GSDMB: variants seen among roughly 807,000 people sequenced by gnomAD.
GSDMB encodes gasdermin B.
A neutral mutation model predicts 42.9 loss-of-function variants in GSDMB; 32 were observed. The ratio of observed to expected loss-of-function variants is 0.75; its 90% confidence interval spans 0.56 to 1.00. The LOEUF is 1.00. Ranked by LOEUF, GSDMB falls within the 50% of genes least tolerant of loss-of-function variation. The probability of loss-of-function intolerance (pLI) is 0.00; values close to 1 mark genes in which losing one functional copy is unlikely to be tolerated. For missense variants in GSDMB, 468 were observed against 498.5 expected (o/e 0.94, Z 0.58); for synonymous variants, 175 against 193.7 (o/e 0.90, Z 0.80).
Position 39,905,905 on chromosome 17 carries a change from A to G in GSDMB, c.969T>C (p.Ala323=), listed in dbSNP as rs1185899173. Residue 323 remains alanine, a synonymous_variant, in exon 9 of 11, where the codon GCT becomes GCC. Transcript: ENST00000418519. The part of the protein sequence containing the change: ...KPLLSSLFNA[A]GVLVEARAKA... Reference sequence around the variant, plus strand: ...TTGCACGCGCTTCTACCAAGACCCCAGCAGCATTAAAAAGGCTGCTTAGGA... The same window carrying G: ...TTGCACGCGCTTCTACCAAGACCCCGGCAGCATTAAAAAGGCTGCTTAGGA... The G allele has an allele frequency of 2.5e-6, 4 of 1,614,066 alleles. No individual in the cohort carries two copies. In the East Asian group the frequency reaches 6.7e-5, roughly 27 times the overall value.
chr17:39,906,425 A>C, intron 7 of GSDMB, 154 bp from the exon 8 acceptor site: 1 of 923,728 alleles, frequency 1.1e-6, no homozygotes, highest in South Asian at 1.8e-5. Context: ...CCTTCTTCCA[A>C]GATACCTACC....
At chr17:39,905,128 G>C in intron 10 of GSDMB, 164 bp from the exon 11 acceptor site, 1 of 648,424 alleles carries the variant, frequency 1.5e-6, no homozygotes, top group Non-Finnish European at 2.7e-6. Flanking sequence ...TCTCAACATA[G>C]TGGCAGGCTC....
intron 7 of GSDMB, chr17:39,906,705 G>T: frequency 8.2e-7 from 1 of 1,225,128 alleles, no homozygotes; most frequent in Non-Finnish European, 1.1e-6. Context: ...CCACAATTAA[G>T]TCAGAGTTTC....
In GSDMB at chr17:39,905,913, T is replaced by TA; in HGVS notation, c.960dup (p.Asn321Ter). ...GCTTCTACCAAGACCCCAGCAGCAT[T>TA]AAAAAGGCTGCTTAGGAGAGGCTTG... is the stretch of plus-strand genomic sequence containing the variant. On this transcript the variant is annotated frameshift_variant, in exon 9 of 11. Transcript: ENST00000418519. LOFTEE classifies it high-confidence loss of function. 5.6e-6 allele frequency: 9 copies of TA among 1,613,984 alleles called. No individual in the cohort carries two copies. The highest frequency in any genetic ancestry group is 7.6e-6 in the Non-Finnish European group (9 of 1,179,956).
At chr17:39,916,841 G>GA (rs1201212292) in intron 2 of GSDMB, among the ~76,000 whole-genome samples, 2 of 152,068 alleles carry the variant, frequency 1.3e-5, no homozygotes, top group East Asian at 1.9e-4. Flanking sequence ...TTTTACAAGG[G>GA]AAAAAATGGA....
intron 9 of GSDMB, 60 bp from the exon 10 acceptor site, chr17:39,905,556 G>T: frequency 7.6e-7 from 1 of 1,312,340 alleles, no homozygotes; most frequent in Non-Finnish European, 1.1e-6. Flanking sequence ...GGCCTCAGTG[G>T]CTGATCACAC....
rs7210924 is a variant in GSDMB, at chr17:39,913,391, G to C, written c.236-894C>G. ...TAATCCCAGCACTTTGGGAGGCTGA[G>C]GTGGGTAGATCACTTGAGGTCAGGA... is the stretch of plus-strand genomic sequence containing the variant. On this transcript the variant is annotated intron_variant, in intron 2 of 10. Transcript: ENST00000418519. 9.0e-3 allele frequency among the ~76,000 whole-genome samples: 1,377 copies of C among 152,232 alleles called. 10 individuals carry two copies. Among genetic ancestry groups the C allele is most frequent in the African/African-American group, 0.031 (1,292 of 41,538 alleles).
At chr17:39,915,670 T>C (rs1013486149) in intron 2 of GSDMB, among the ~76,000 whole-genome samples, 2 of 151,874 alleles carry the variant, frequency 1.3e-5, no homozygotes, top group Non-Finnish European at 2.9e-5. Context: ...TTTCAGAGAA[T>C]TGACTCAGTC....
intron 3 of GSDMB, among the ~76,000 whole-genome samples, chr17:39,911,890 C>T (rs566847219): frequency 6.6e-5 from 10 of 151,752 alleles, no homozygotes; most frequent in African/African-American, 2.4e-4. Flanking sequence ...GAGCCGAGAT[C>T]ATGCCATTGC....
rs2063477383 is a variant in GSDMB, at chr17:39,904,942, T to C, written c.1121A>G (p.Asn374Ser). The C allele has an allele frequency of 6.2e-7, 1 of 1,613,822 alleles. No individual in the cohort carries two copies. The highest frequency in any genetic ancestry group is 1.7e-5 in the Admixed American group (1 of 59,966). Residue 374 changes from asparagine (N) to serine (S), a missense_variant, in exon 11 of 11, where the codon AAC becomes AGC. Transcript: ENST00000418519. Reference sequence around the variant, plus strand: ...AGGACTGCTGGCCAGCTCATCCCAGTTCTGCTCCATGACAGATTTCACCTG... The same window carrying C: ...AGGACTGCTGGCCAGCTCATCCCAGCTCTGCTCCATGACAGATTTCACCTG... ...KDQVKSVMEQNWDELASSPPD... is the reference protein window; with the variant it reads ...KDQVKSVMEQSWDELASSPPD...
intron 4 of GSDMB, 44 bp from the exon 5 acceptor site, chr17:39,909,086 C>T (rs756630721): frequency 6.2e-6 from 7 of 1,136,322 alleles, no homozygotes; most frequent in African/African-American, 4.8e-5. Flanking sequence ...GGTGTTTCTA[C>T]ATCATTATCT....
chr17:39,908,467 C>T lies in GSDMB; in HGVS notation c.662-253G>A, dbSNP rs549885913. Among the ~76,000 whole-genome samples, 8 of 151,090 alleles carry T rather than the reference C, an allele frequency of 5.3e-5. No homozygotes were observed. In the East Asian group the frequency reaches 1.6e-3, roughly 30 times the overall value. On this transcript the variant is annotated intron_variant, in intron 5 of 10. Transcript: ENST00000418519. ...AGATCTCGGCTCACTGCAACCTCCACTTCCCAGGTTCAAGCAATTCTCCTG... is the reference window on the plus strand; with the variant it reads ...AGATCTCGGCTCACTGCAACCTCCATTTCCCAGGTTCAAGCAATTCTCCTG...
chr17:39,913,049 G>A (rs772907800), intron 2 of GSDMB, among the ~76,000 whole-genome samples: 1 of 152,116 alleles, frequency 6.6e-6, no homozygotes, highest in Non-Finnish European at 1.5e-5. Context: ...GGAGGTTGCA[G>A]TGAGCTGAGA....
Position 39,917,107 on chromosome 17 carries a change from T to C in GSDMB, c.210A>G (p.Leu70=). The C allele has an allele frequency of 6.2e-7, 1 of 1,613,886 alleles. No individual in the cohort carries two copies. Among genetic ancestry groups the C allele is most frequent in the Admixed American group, 1.7e-5 (1 of 60,024 alleles). ...CTTGGAGCCCAGAATCCAGTTCATCTAACCACTTGTCCCCATCTGTGTCCA... is the reference window on the plus strand; with the variant it reads ...CTTGGAGCCCAGAATCCAGTTCATCCAACCACTTGTCCCCATCTGTGTCCA... ...DILDTDGDKW[L]DELDSGLQGQ... The change falls in exon 2 of 11, where the codon TTA becomes TTG. Residue 70 remains leucine, a synonymous_variant. Coordinates refer to ENST00000418519, the MANE Select transcript of GSDMB (RefSeq NM_001165958.2).
chr17:39,910,149 T>C (rs540796215), intron 3 of GSDMB, among the ~76,000 whole-genome samples: 1 of 152,246 alleles, frequency 6.6e-6, no homozygotes, highest in Non-Finnish European at 1.5e-5. Context: ...CTATCGCCTG[T>C]AATCCCAGCA....
At chr17:39,909,706 G>A (rs749630845) in intron 4 of GSDMB, 50 bp downstream of exon 4, 23 of 1,507,860 alleles carry the variant, frequency 1.5e-5, no homozygotes, top group Non-Finnish European at 2.0e-5. Flanking sequence ...TGACCTGCGG[G>A]GTGTGGGCCA....
chr17:39,908,879 G>A, intron 5 of GSDMB, 79 bp downstream of exon 5: 1 of 898,670 alleles, frequency 1.1e-6, no homozygotes, highest in Non-Finnish European at 1.8e-6. Flanking sequence ...TAGGCTGACA[G>A]AGCCTGGTTG....
intron 6 of GSDMB, chr17:39,907,320 T>A: frequency 2.2e-6 from 1 of 448,762 alleles, no homozygotes; most frequent in Non-Finnish European, 3.1e-6. Flanking sequence ...AGTACAACCC[T>A]GCTGGGATCA....
At chr17:39,916,511 C>T (rs1168948517) in intron 2 of GSDMB, among the ~76,000 whole-genome samples, 3 of 151,388 alleles carry the variant, frequency 2.0e-5, no homozygotes, top group South Asian at 2.1e-4. Flanking sequence ...AGGATGGTCT[C>T]GATCTCCTGA....
Sources: allele counts gnomAD v4.1 joint callset (sites outside exome capture counted in the v4.1 genomes callset), GRCh38; gene constraint gnomAD v4.1.1; transcripts MANE v1.5; gene names NCBI Gene and HGNC (gene_info 2026-07-23, HGNC 2026-07-21).